MGAT4C: variants seen among roughly 807,000 people sequenced by gnomAD.
MGAT4C encodes the protein MGAT4 family member C, also known as alpha-1,3-mannosyl-glycoprotein 4-beta-N-acetylglucosaminyltransferase C.
In MGAT4C, 19 loss-of-function variants were observed where a neutral mutation model predicts 40.1. The observed-to-expected ratio is 0.47, with a 90% CI of 0.33 to 0.70. The LOEUF (loss-of-function observed/expected upper bound fraction) is 0.70. Among genes scored for constraint, MGAT4C ranks in the 30% least tolerant of loss-of-function variants. MGAT4C has a pLI of 0.02. For missense variants in MGAT4C, 491 were observed against 563.2 expected (o/e 0.87, Z 1.30); for synonymous variants, 181 against 187.1 (o/e 0.97, Z 0.27).
chr12:86,118,454 A>G (rs1878799609), intron 1 of MGAT4C, among the ~76,000 whole-genome samples: 1 of 152,182 alleles, frequency 6.6e-6, no homozygotes, highest in South Asian at 2.1e-4. Context: ...TGTGGACAAC[A>G]TGAAACATTC....
chr12:86,520,596 T>C (rs888704223), intron 2 of MGAT4C, among the ~76,000 whole-genome samples: 3 of 152,148 alleles, frequency 2.0e-5, no homozygotes, highest in African/African-American at 7.2e-5. Context: ...TACTCAGTAA[T>C]TGGATTACTA....
chr12:86,085,317 T>C lies in MGAT4C; in HGVS notation c.-56-35594A>G, dbSNP rs919204267. On this transcript the variant is annotated intron_variant, in intron 1 of 4. Transcript: ENST00000611864. ...GAACAGTATTGCCTAGATTTTCTTT[T>C]AGGGTTTTTATGGTTTTAGGTTTTA... Among the ~76,000 whole-genome samples, 6 of 152,096 alleles carry C rather than the reference T, an allele frequency of 3.9e-5. No individual in the cohort carries two copies. In the East Asian group the frequency reaches 1.2e-3, roughly 29 times the overall value.
intron 1 of MGAT4C, among the ~76,000 whole-genome samples, chr12:86,071,013 G>A (rs553357961): frequency 6.6e-6 from 1 of 152,118 alleles, no homozygotes; most frequent in East Asian, 1.9e-4. Flanking sequence ...CAAAGCTTAT[G>A]AAATAAGACA....
chr12:86,525,152 G>C (rs745852290), intron 2 of MGAT4C, among the ~76,000 whole-genome samples: 2 of 152,170 alleles, frequency 1.3e-5, no homozygotes, highest in Admixed American at 1.3e-4. Context: ...GAGGGACCTG[G>C]TGAGAAGTAA....
At chr12:86,493,267 T>C (rs1226303482) in intron 2 of MGAT4C, among the ~76,000 whole-genome samples, 1 of 151,568 alleles carries the variant, frequency 6.6e-6, no homozygotes, top group Non-Finnish European at 1.5e-5. Flanking sequence ...GAACTAGAAA[T>C]ACCATTTGAC....
intron 2 of MGAT4C, among the ~76,000 whole-genome samples, chr12:86,531,827 G>T (rs1026862640): frequency 1.3e-5 from 2 of 151,222 alleles, no homozygotes; most frequent in Admixed American, 6.6e-5. Flanking sequence ...TGTTATATAG[G>T]TTTTGGTAAC....
At position 86,009,186 on chromosome 12, in the gene MGAT4C, TTTCAG is replaced by T. The variant is rs1416010723; in HGVS notation, c.-6-19639_-6-19635del. ...GACCTGCATATTACAAACTTTTTCA[TTTCAG>T]TTAAGAATTACTCTTAGAATAATTC... On this transcript the variant is annotated intron_variant, in intron 2 of 4. Transcript: ENST00000611864. Among the ~76,000 whole-genome samples the T allele has an allele frequency of 3.9e-5, 6 of 152,282 alleles. No individual in the cohort carries two copies. The East Asian group carries it at 9.7e-4, about 25-fold the overall frequency.
At chr12:86,591,276 C>T (rs1008991663) in intron 2 of MGAT4C, among the ~76,000 whole-genome samples, 8 of 151,792 alleles carry the variant, frequency 5.3e-5, no homozygotes, top group Non-Finnish European at 1.2e-4. Context: ...TACATCCAGT[C>T]CCTGGAAATT....
intron 1 of MGAT4C, among the ~76,000 whole-genome samples, chr12:86,112,401 G>T (rs1313779345): frequency 6.6e-6 from 1 of 151,284 alleles, no homozygotes; most frequent in Non-Finnish European, 1.5e-5. Flanking sequence ...AGAGACAGTT[G>T]GAAAATGCCA....
At chr12:86,447,610 T>C (rs1465776157) in intron 2 of MGAT4C, among the ~76,000 whole-genome samples, 1 of 152,146 alleles carries the variant, frequency 6.6e-6, no homozygotes, top group Non-Finnish European at 1.5e-5. Context: ...GTAAAATAAA[T>C]AATAAGAATT....
At chr12:86,003,278 T>G (rs1212943925) in intron 2 of MGAT4C, among the ~76,000 whole-genome samples, 1 of 152,226 alleles carries the variant, frequency 6.6e-6, no homozygotes, top group African/African-American at 2.4e-5. Context: ...AGCTACATTT[T>G]CTGATATATC....
intron 1 of MGAT4C, among the ~76,000 whole-genome samples, chr12:86,200,129 T>G (rs1194068729): frequency 1.5e-4 from 9 of 58,314 alleles, no homozygotes; most frequent in African/African-American, 4.3e-4. Flanking sequence ...ATGTATTTGT[T>G]TTTTTTTTTT....
chr12:86,801,143 T>G (rs541445816), intron 1 of MGAT4C, among the ~76,000 whole-genome samples: 1 of 151,918 alleles, frequency 6.6e-6, no homozygotes. Flanking sequence ...GATTTAAAAT[T>G]AGGGAGGACA....
At chr12:86,342,164 A>G (rs1954919692) in intron 3 of MGAT4C, among the ~76,000 whole-genome samples, 1 of 152,090 alleles carries the variant, frequency 6.6e-6, no homozygotes. Context: ...GGGACAGGCT[A>G]TCATCTTTGC....
In MGAT4C at chr12:86,405,346, G is replaced by A. The variant is rs145136215; in HGVS notation, c.-120+29811C>T. Reference sequence around the variant, plus strand: ...AATTATATTTTTATATGCCAGCAATGAACTAGTGGACACCAAAACTAAAAA... The same window carrying A: ...AATTATATTTTTATATGCCAGCAATAAACTAGTGGACACCAAAACTAAAAA... On this transcript the variant is annotated intron_variant, in intron 3 of 7. Transcript: ENST00000548651. 5.8e-3 allele frequency among the ~76,000 whole-genome samples: 878 copies of A among 151,992 alleles called. 7 individuals are homozygous for A. Among genetic ancestry groups the A allele is most frequent in the African/African-American group, 0.02 (843 of 41,526 alleles).
chr12:86,413,507 T>C (rs1956646496), intron 3 of MGAT4C, among the ~76,000 whole-genome samples: 2 of 152,204 alleles, frequency 1.3e-5, no homozygotes, highest in Non-Finnish European at 2.9e-5. Flanking sequence ...ACAAGATCTG[T>C]TGCTCAAGAT....
chr12:86,632,219 C>T (rs1212517020), intron 2 of MGAT4C, among the ~76,000 whole-genome samples: 1 of 152,014 alleles, frequency 6.6e-6, no homozygotes, highest in African/African-American at 2.4e-5. Context: ...GCATCTCATA[C>T]CAGTTAGAAT....
At chr12:86,112,864 CAAAA>C (rs1397646679) in intron 1 of MGAT4C, among the ~76,000 whole-genome samples, 1 of 151,572 alleles carries the variant, frequency 6.6e-6, no homozygotes, top group African/African-American at 2.4e-5. Context: ...TTATAGGAAA[CAAAA>C]AGAAAGGTAG....
intron 2 of MGAT4C, among the ~76,000 whole-genome samples, chr12:86,688,778 T>C (rs1485995481): frequency 6.6e-6 from 1 of 152,192 alleles, no homozygotes; most frequent in African/African-American, 2.4e-5. Context: ...GCCCTTAACA[T>C]TTTTTCCTTC....
Sources: allele counts gnomAD v4.1 joint callset (sites outside exome capture counted in the v4.1 genomes callset), GRCh38; gene constraint gnomAD v4.1.1; transcripts MANE v1.5; gene names NCBI Gene and HGNC (gene_info 2026-07-23, HGNC 2026-07-21).